MPDZ: variants seen among roughly 807,000 people sequenced by gnomAD.
The protein encoded by MPDZ is multiple PDZ domain crumbs cell polarity complex component, also known as multiple PDZ domain protein.
In MPDZ, 234 loss-of-function variants were observed where a neutral mutation model predicts 239.1. The observed-to-expected ratio is 0.98, with a 90% CI of 0.88 to 1.09. The LOEUF is 1.09. Among genes scored for constraint, MPDZ ranks in the 50% least tolerant of loss-of-function variants. The probability of loss-of-function intolerance (pLI) is 0.00; values close to 1 mark genes in which losing one functional copy is unlikely to be tolerated. For missense variants in MPDZ, 3,175 were observed against 2,510.0 expected (o/e 1.26, Z -5.66); for synonymous variants, 1,048 against 881.3 (o/e 1.19, Z -3.35).
In MPDZ at chr9:13,192,281, A is replaced by T; in HGVS notation, c.1818T>A (p.Thr606=). Residue 606 remains threonine (T), a synonymous_variant, in exon 15 of 47, where the codon ACT becomes ACA. Coordinates refer to ENST00000319217, the MANE Select transcript of MPDZ (RefSeq NM_001378778.1). ...CATCTTGGTGATTTTCCCCAAGTAA[A>T]GTTATGCCATTTACCTGTGAAAAAA... ...GDELLEVNGI[T]LLGENHQDVV... 1 of 1,598,584 alleles carries T rather than the reference A, an allele frequency of 6.3e-7. No individual in the cohort carries two copies. Among genetic ancestry groups the T allele is most frequent in the Non-Finnish European group, 8.5e-7 (1 of 1,171,352 alleles).
intron 1 of MPDZ, 31 bp downstream of exon 1, chr9:13,279,369 G>GC (rs1411512873): frequency 8.3e-5 from 12 of 144,328 alleles, no homozygotes; most frequent in Admixed American, 7.5e-4. Context: ...GCGCGCCTCG[G>GC]CCTCTGGGCC....
At chr9:13,175,674 T>C (rs1952375357) in intron 21 of MPDZ, 78 bp downstream of exon 21, 3 of 1,439,882 alleles carry the variant, frequency 2.1e-6, no homozygotes, top group Non-Finnish European at 2.8e-6. Context: ...GCATAAAAAA[T>C]TGAAATTTAC....
At chr9:13,150,388 G>A (rs1191495548) in intron 25 of MPDZ, 123 bp downstream of exon 25, 3 of 584,750 alleles carry the variant, frequency 5.1e-6, no homozygotes, top group Non-Finnish European at 2.6e-6. Context: ...ACAAAGGGTG[G>A]AGCAGGTGAA....
intron 15 of MPDZ, 24 bp downstream of exon 15, chr9:13,192,107 G>A (rs1262635262): frequency 1.3e-6 from 2 of 1,556,168 alleles, no homozygotes; most frequent in Non-Finnish European, 1.7e-6. Context: ...ATGTAGGTTA[G>A]CCTCATGTAT....
intron 3 of MPDZ, among the ~76,000 whole-genome samples, chr9:13,227,265 A>G (rs1960914444): frequency 6.6e-6 from 1 of 152,144 alleles, no homozygotes; most frequent in Admixed American, 6.6e-5. Context: ...AAAAGAGATC[A>G]ATGTGTTGAG....
chr9:13,218,287 C>A (rs982549342), intron 8 of MPDZ, among the ~76,000 whole-genome samples: 1 of 151,726 alleles, frequency 6.6e-6, no homozygotes, highest in Non-Finnish European at 1.5e-5. Context: ...TCAATTGAAA[C>A]AAATGTGTTT....
intron 12 of MPDZ, among the ~76,000 whole-genome samples, chr9:13,203,095 T>C (rs1956583615): frequency 6.6e-6 from 1 of 152,204 alleles, no homozygotes; most frequent in South Asian, 2.1e-4. Context: ...CTGATCATTA[T>C]ACATTGTATA....
At chr9:13,166,990 A>C (rs1951164868) in intron 22 of MPDZ, among the ~76,000 whole-genome samples, 1 of 152,124 alleles carries the variant, frequency 6.6e-6, no homozygotes, top group Non-Finnish European at 1.5e-5. Flanking sequence ...TGGTGATCAG[A>C]ATGCCAAAAA....
At chr9:13,134,355 T>G (rs1258200859) in intron 31 of MPDZ, 1 of 152,198 alleles carries the variant, frequency 6.6e-6, no homozygotes, top group East Asian at 1.9e-4. Flanking sequence ...ATACTCCATT[T>G]CCTTAAGAGA....
intron 28 of MPDZ, among the ~76,000 whole-genome samples, chr9:13,138,682 G>A (rs1287573313): frequency 1.3e-5 from 2 of 152,120 alleles, no homozygotes; most frequent in Admixed American, 6.6e-5. Flanking sequence ...ACCCAGTTTT[G>A]GGACACACGT....
At chr9:13,157,362 A>G (rs1027825803) in intron 24 of MPDZ, among the ~76,000 whole-genome samples, 1 of 152,098 alleles carries the variant, frequency 6.6e-6, no homozygotes, top group African/African-American at 2.4e-5. Flanking sequence ...TTGAGGCAGG[A>G]TTTGCATCTT....
At chr9:13,242,215 C>CTTTT (rs145555644) in intron 3 of MPDZ, among the ~76,000 whole-genome samples, 3 of 50,790 alleles carry the variant, frequency 5.9e-5, no homozygotes, top group African/African-American at 8.3e-5. Context: ...TGTTAGGATG[C>CTTTT]TTTTTTTTTT....
chr9:13,126,817 T>A lies in MPDZ; in HGVS notation c.4465-45A>T, dbSNP rs202079701. On this transcript the variant is annotated intron_variant, in intron 32 of 46. Transcript: ENST00000319217. ...AATGCTCAGAAGACTTGAAACAGAT[T>A]AATTTTATCCAAATGGATACCAAGG... 6.5e-5 allele frequency: 98 copies of A among 1,509,964 alleles called. No individual in the cohort carries two copies. In the African/African-American group the frequency reaches 1.3e-3, roughly 20 times the overall value. The allele number at this position is 1,509,964 out of a possible 1,614,324, so 93.5% of individuals were successfully genotyped here. A position where few individuals can be genotyped will look rare whatever the true frequency, so the allele number is the denominator to read the frequency against.
At chr9:13,253,844 G>A (rs899515554) in intron 1 of MPDZ, among the ~76,000 whole-genome samples, 1 of 152,170 alleles carries the variant, frequency 6.6e-6, no homozygotes, top group African/African-American at 2.4e-5. Flanking sequence ...CAAACACACA[G>A]CACCTATCAC....
At chr9:13,227,673 G>C (rs1030094488) in intron 3 of MPDZ, among the ~76,000 whole-genome samples, 2 of 152,080 alleles carry the variant, frequency 1.3e-5, no homozygotes, top group Admixed American at 6.6e-5. Context: ...AGAGTAAAGT[G>C]AGTGAGAGCA....
intron 3 of MPDZ, among the ~76,000 whole-genome samples, chr9:13,244,632 G>T (rs1438799630): frequency 6.6e-6 from 1 of 152,116 alleles, no homozygotes; most frequent in Admixed American, 6.5e-5. Context: ...TCCCTTCAGG[G>T]CATGGCTTTT....
chr9:13,143,289 G>A (rs1054931019), intron 27 of MPDZ, among the ~76,000 whole-genome samples, 177 bp downstream of exon 27: 1 of 151,916 alleles, frequency 6.6e-6, no homozygotes, highest in Non-Finnish European at 1.5e-5. Context: ...ATATTCTCTG[G>A]CAGGAAAATG....
intron 1 of MPDZ, among the ~76,000 whole-genome samples, chr9:13,263,959 A>G (rs1225216819): frequency 6.6e-6 from 1 of 152,246 alleles, no homozygotes; most frequent in African/African-American, 2.4e-5. Context: ...ACAATTATAT[A>G]AACATACACA....
At chr9:13,149,738 T>C (rs1421503293) in intron 25 of MPDZ, among the ~76,000 whole-genome samples, 1 of 152,046 alleles carries the variant, frequency 6.6e-6, no homozygotes, top group Non-Finnish European at 1.5e-5. Flanking sequence ...GAGAGTCTAT[T>C]TAAAATATTG....
Sources: gnomAD v4.1 joint callset for allele counts (sites outside exome capture counted in the v4.1 genomes callset) on GRCh38, gnomAD v4.1.1 for gene constraint, MANE v1.5 for transcripts, NCBI Gene and HGNC (gene_info 2026-07-23, HGNC 2026-07-21) for gene names.